TACC2: variants seen among roughly 807,000 people sequenced by gnomAD.
TACC2 encodes the protein transforming acidic coiled-coil containing protein 2, also known as transforming acidic coiled-coil-containing protein 2.
A neutral mutation model predicts 227.3 loss-of-function variants in TACC2; 137 were observed. The ratio of observed to expected loss-of-function variants is 0.60; its 90% CI spans 0.52 to 0.69. The LOEUF is 0.69. Among genes scored for constraint, TACC2 ranks in the 30% least tolerant of loss-of-function variants. The pLI is 0.00. For missense variants in TACC2, 3,470 were observed against 3,694.4 expected, an observed-to-expected ratio of 0.94 and a Z score of 1.57; for synonymous variants, 1,523 against 1,487.5, an observed-to-expected ratio of 1.02 and a Z score of -0.55.
chr10:122,192,908 G>A (rs969523606), intron 7 of TACC2: 4 of 388,234 alleles, frequency 1.0e-5, no homozygotes, highest in Admixed American at 2.8e-5. Context: ...CCCAGGGCTC[G>A]CCAGGCTGAT....
intron 16 of TACC2, among the ~76,000 whole-genome samples, chr10:122,232,168 G>A (rs971899771): frequency 2.6e-5 from 4 of 152,210 alleles, no homozygotes; most frequent in African/African-American, 9.6e-5. Context: ...CCATGAAAGC[G>A]AGATTTTTAG....
intron 5 of TACC2, among the ~76,000 whole-genome samples, chr10:122,126,336 G>A (rs2086861464): frequency 6.6e-6 from 1 of 151,898 alleles, no homozygotes; most frequent in African/African-American, 2.4e-5. Context: ...GTGTGTGTGT[G>A]TGTGTGTGTG....
intron 19 of TACC2, chr10:122,248,436 C>T (rs2096178129): frequency 5.0e-6 from 3 of 604,742 alleles, no homozygotes. Flanking sequence ...CTGCACAGGC[C>T]CGGGTCTGGG....
At chr10:122,134,328 T>C (rs747006431) in intron 6 of TACC2, among the ~76,000 whole-genome samples, 1 of 151,818 alleles carries the variant, frequency 6.6e-6, no homozygotes, top group Non-Finnish European at 1.5e-5. Flanking sequence ...TGCGCCACCA[T>C]GCCCACCTAA....
At chr10:122,181,498 T>A (rs117850176) in intron 7 of TACC2, among the ~76,000 whole-genome samples, 3,081 of 152,284 alleles carry the variant, frequency 0.02, 57 homozygotes, top group Non-Finnish European at 0.03. Context: ...TAAACTCAGC[T>A]CTGAAAGCAA....
chr10:122,190,758 G>C (rs950140847), intron 7 of TACC2, among the ~76,000 whole-genome samples: 3 of 152,106 alleles, frequency 2.0e-5, no homozygotes, highest in Non-Finnish European at 2.9e-5. Flanking sequence ...GATGTGCAGC[G>C]GGGGGAGAAA....
At chr10:122,055,221 CA>C (rs138727855) in intron 3 of TACC2, among the ~76,000 whole-genome samples, 136 of 147,808 alleles carry the variant, frequency 9.2e-4, no homozygotes, top group Middle Eastern at 3.5e-3. Context: ...CGCCGTCTCC[CA>C]AAAAAAAATA....
At chr10:122,219,218 C>T (rs926693191) in intron 11 of TACC2, among the ~76,000 whole-genome samples, 1 of 151,764 alleles carries the variant, frequency 6.6e-6, no homozygotes, top group African/African-American at 2.4e-5. Flanking sequence ...CCCTTCCCCC[C>T]ACCCTCACTG....
At chr10:122,090,790 C>G (rs1423278046) in intron 5 of TACC2, among the ~76,000 whole-genome samples, 1 of 151,670 alleles carries the variant, frequency 6.6e-6, no homozygotes, top group African/African-American at 2.4e-5. Context: ...ACTCTGTCAC[C>G]CAGGCTGGAC....
At chr10:122,183,245 G>A (rs374559079) in intron 7 of TACC2, among the ~76,000 whole-genome samples, 1 of 151,730 alleles carries the variant, frequency 6.6e-6, no homozygotes, top group Non-Finnish European at 1.5e-5. Flanking sequence ...AACAGGGGGT[G>A]GGGGCTTAGG....
chr10:122,211,501 C>T lies in TACC2; in HGVS notation c.7076C>T (p.Ser2359Phe). 1.2e-6 allele frequency: 2 copies of T among 1,613,782 alleles called. No homozygotes were observed. The highest frequency in any genetic ancestry group is 1.7e-6 in the Non-Finnish European group (2 of 1,179,894). The change falls in exon 9 of 23, where the codon TCT becomes TTT. Residue 2359 changes from serine to phenylalanine, a missense_variant. Around this residue, in one of 10 missense-constraint regions of TACC2, gnomAD observed 593 missense variants for 636.6 expected, o/e 0.93. Coordinates refer to ENST00000369005, the MANE Select transcript of TACC2 (RefSeq NM_206862.4). ...TCTTCCACCTCAAAAATGCAGGAGT[C>T]TCCCAAACTGCCCCAACAATCATAC... ...PFSSTSKMQE[S>F]PKLPQQSYNF...
intron 5 of TACC2, among the ~76,000 whole-genome samples, chr10:122,097,429 A>G (rs2081574379): frequency 1.3e-5 from 2 of 152,072 alleles, no homozygotes; most frequent in African/African-American, 2.4e-5. Context: ...AAGGGAGTCT[A>G]TGTCCCGAGA....
chr10:122,242,867 T>C (rs1451242189), intron 19 of TACC2, among the ~76,000 whole-genome samples: 16 of 152,156 alleles, frequency 1.1e-4, no homozygotes, highest in Non-Finnish European at 1.9e-4. Context: ...CTTCTGGGGT[T>C]TAGCGATCCT....
chr10:122,240,293 A>T (rs1213866129), intron 18 of TACC2, among the ~76,000 whole-genome samples: 2 of 152,174 alleles, frequency 1.3e-5, no homozygotes, highest in Non-Finnish European at 2.9e-5. Context: ...TGATTCTGAG[A>T]TGCAAGGAGG....
chr10:122,015,223 G>A (rs909236433), intron 1 of TACC2, among the ~76,000 whole-genome samples: 4 of 152,086 alleles, frequency 2.6e-5, no homozygotes, highest in African/African-American at 9.7e-5. Flanking sequence ...ACTCAATGTT[G>A]GCCCGGCACG....
Position 122,254,089 on chromosome 10 carries a change from C to T in TACC2, c.*33C>T, listed in dbSNP as rs3763763. The T allele has an allele frequency of 6.9e-6, 11 of 1,593,188 alleles. No individual in the cohort carries two copies. The African/African-American group carries it at 8.1e-5, about 12-fold the overall frequency. On this transcript the variant is annotated 3_prime_UTR_variant, in exon 23 of 23. Transcript: ENST00000369005. ...CCGAATGTTTTGGACTTAACTGTTG[C>T]GTGCAATATGACCGTCGGCACACTG...
intron 1 of TACC2, among the ~76,000 whole-genome samples, chr10:122,008,651 C>T (rs1565055421): frequency 6.6e-6 from 1 of 151,810 alleles, no homozygotes; most frequent in Non-Finnish European, 1.5e-5. Context: ...CTACTTACTG[C>T]AGCCTCTGCC....
chr10:122,047,288 C>CAAAAA (rs371181114), intron 2 of TACC2, among the ~76,000 whole-genome samples: 7 of 60,874 alleles, frequency 1.1e-4, no homozygotes, highest in Non-Finnish European at 1.4e-4. Flanking sequence ...GACTCCGTCT[C>CAAAAA]AAAAAAAAAA....
At chr10:122,122,216 G>A (rs905275443) in intron 5 of TACC2, among the ~76,000 whole-genome samples, 14 of 152,102 alleles carry the variant, frequency 9.2e-5, no homozygotes, top group African/African-American at 3.4e-4. Flanking sequence ...TTAGCCGGGT[G>A]TGGTGGTGGG....
Sources: gnomAD v4.1 joint callset for allele counts (sites outside exome capture counted in the v4.1 genomes callset) on GRCh38, gnomAD v4.1.1 for gene constraint, gnomAD v4.1.1 regional missense constraint, MANE v1.5 for transcripts, NCBI Gene and HGNC (gene_info 2026-07-23, HGNC 2026-07-21) for gene names.